The following ATP11A variants were observed in gnomAD, a reference collection of about 807,000 sequenced individuals.
ATP11A encodes the protein phospholipid-transporting ATPase IH.
ATP11A carries 81 observed loss-of-function variants against 154.4 expected under a neutral mutation model. That is an observed-to-expected ratio of 0.52 (90% CI 0.44 to 0.63). ATP11A has a LOEUF of 0.63. Ranked by LOEUF, ATP11A falls within the 30% of genes least tolerant of loss-of-function variation. The probability of loss-of-function intolerance (pLI) is 0.00; values close to 1 mark genes in which losing one functional copy is unlikely to be tolerated. For synonymous variants in ATP11A, 623 were observed against 585.9 expected, an observed-to-expected ratio of 1.06 and a Z score of -0.91; for missense variants, 1,316 against 1,474.3, an observed-to-expected ratio of 0.89 and a Z score of 1.76.
At chr13:112,776,387 C>T (rs1420225008) in intron 1 of ATP11A, among the ~76,000 whole-genome samples, 4 of 152,090 alleles carry the variant, frequency 2.6e-5, no homozygotes, top group African/African-American at 7.2e-5. Context: ...GCTTTATTAA[C>T]GGGGAAATGT....
chr13:112,738,845 G>C (rs1891258423), intron 1 of ATP11A, among the ~76,000 whole-genome samples: 1 of 151,444 alleles, frequency 6.6e-6, no homozygotes, highest in South Asian at 2.1e-4. Flanking sequence ...GTGTCCCACT[G>C]TGAGTCTAGG....
chr13:112,849,412 C>T (rs1375689002), intron 17 of ATP11A, among the ~76,000 whole-genome samples: 1 of 152,222 alleles, frequency 6.6e-6, no homozygotes, highest in Non-Finnish European at 1.5e-5. Context: ...GAGAAAGTCC[C>T]TGATTGACTT....
chr13:112,732,484 C>G (rs1890589836), intron 1 of ATP11A, among the ~76,000 whole-genome samples: 1 of 152,176 alleles, frequency 6.6e-6, no homozygotes, highest in Non-Finnish European at 1.5e-5. Context: ...CTCCATCTCT[C>G]TCCAGCTCCA....
chr13:112,732,617 GTTTA>G (rs1281237382), intron 1 of ATP11A, among the ~76,000 whole-genome samples: 6 of 152,240 alleles, frequency 3.9e-5, no homozygotes, highest in Admixed American at 3.3e-4. Context: ...TTGTTTGTTT[GTTTA>G]TTTATTTTGA....
intron 1 of ATP11A, among the ~76,000 whole-genome samples, chr13:112,771,616 T>C (rs2077227256): frequency 6.6e-6 from 1 of 152,234 alleles, no homozygotes; most frequent in South Asian, 2.1e-4. Context: ...AGGTTAGAGA[T>C]AACCAGGTCC....
chr13:112,790,258 A>G (rs2077810195), intron 2 of ATP11A, among the ~76,000 whole-genome samples: 1 of 150,706 alleles, frequency 6.6e-6, no homozygotes, highest in South Asian at 2.1e-4. Context: ...CACACCCGGC[A>G]TCTTGACATG....
At chr13:112,853,608 A>G (rs1487933813) in intron 18 of ATP11A, among the ~76,000 whole-genome samples, 1 of 152,176 alleles carries the variant, frequency 6.6e-6, no homozygotes, top group Non-Finnish European at 1.5e-5. Context: ...TACCCCCGAC[A>G]CCTTCTGCAG....
At chr13:112,699,849 G>A (rs1166897844) in intron 1 of ATP11A, among the ~76,000 whole-genome samples, 2 of 152,162 alleles carry the variant, frequency 1.3e-5, no homozygotes, top group African/African-American at 2.4e-5. Context: ...GAAACTCATG[G>A]CCTTTGCTGT....
intron 2 of ATP11A, among the ~76,000 whole-genome samples, chr13:112,797,532 A>G (rs1030510423): frequency 1.3e-5 from 2 of 152,192 alleles, no homozygotes; most frequent in Non-Finnish European, 2.9e-5. Flanking sequence ...AGCCACAGGA[A>G]AAGAACATTT....
chr13:112,848,727 G>A lies in ATP11A; in HGVS notation c.1810-2310G>A, dbSNP rs548722607. On this transcript the variant is annotated intron_variant, in intron 17 of 29. Transcript: ENST00000375645. ...TTTGAGACAGAGTTTTGCTCTTGTC[G>A]CCCAGGCTGGAGTGCAATGGCACGA... 1.7e-3 allele frequency among the ~76,000 whole-genome samples: 264 copies of A among 152,230 alleles called. 2 individuals are homozygous for A. The highest frequency in any genetic ancestry group is 4.3e-3 in the African/African-American group (178 of 41,542).
At chr13:112,790,779 T>C (rs1017598336) in intron 2 of ATP11A, among the ~76,000 whole-genome samples, 2 of 152,250 alleles carry the variant, frequency 1.3e-5, no homozygotes, top group Non-Finnish European at 2.9e-5. Flanking sequence ...TAATTATTTA[T>C]GTGCTCTTGA....
At chr13:112,710,031 C>G (rs1887564136) in intron 1 of ATP11A, among the ~76,000 whole-genome samples, 1 of 152,254 alleles carries the variant, frequency 6.6e-6, no homozygotes, top group Admixed American at 6.5e-5. Context: ...TGCCTGCACT[C>G]TGCCCTGGAG....
At chr13:112,803,736 CTTCCCCTCCTT>C (rs2078203129) in intron 2 of ATP11A, among the ~76,000 whole-genome samples, 2 of 125,890 alleles carry the variant, frequency 1.6e-5, no homozygotes, top group Non-Finnish European at 1.7e-5. Flanking sequence ...CCCTGACCTC[CTTCCCCTCCTT>C]CTCTCATTCC....
At chr13:112,834,474 A>G (rs931184913) in intron 14 of ATP11A, 115 bp from the exon 15 acceptor site, 4 of 707,650 alleles carry the variant, frequency 5.7e-6, no homozygotes, top group Non-Finnish European at 1.0e-5. Flanking sequence ...TCTCTGTTTA[A>G]CTGAAAGTAT....
At chr13:112,799,528 C>T (rs1026700530) in intron 2 of ATP11A, among the ~76,000 whole-genome samples, 3 of 151,942 alleles carry the variant, frequency 2.0e-5, no homozygotes, top group Admixed American at 2.0e-4. Context: ...GTGGGGAGGT[C>T]ATGAGACTCA....
chr13:112,772,161 T>C (rs2077241035), intron 1 of ATP11A, among the ~76,000 whole-genome samples: 1 of 152,216 alleles, frequency 6.6e-6, no homozygotes, highest in Non-Finnish European at 1.5e-5. Context: ...CCCTATGAAA[T>C]GTAAAACAAA....
At chr13:112,765,840 G>A (rs1240528859) in intron 1 of ATP11A, among the ~76,000 whole-genome samples, 1 of 152,226 alleles carries the variant, frequency 6.6e-6, no homozygotes, top group Admixed American at 6.5e-5. Context: ...CAATACAAAC[G>A]ATTTTCTGTA....
chr13:112,851,281 G>A, intron 18 of ATP11A, 63 bp downstream of exon 18: 8 of 1,535,902 alleles, frequency 5.2e-6, no homozygotes, highest in South Asian at 1.2e-5. Context: ...ACGGCCCAGG[G>A]CGTGTGAGGG....
In ATP11A at chr13:112,883,340, A is replaced by G. The variant is rs2080926225; in HGVS notation, c.*1474A>G. The G allele has an allele frequency of 5.0e-6, 2 of 397,248 alleles. No homozygotes were observed. The highest frequency in any genetic ancestry group is 4.1e-5 in the African/African-American group (2 of 48,702). 24.6% of individuals were successfully genotyped at this position (397,248 alleles called of 1,614,324 possible). ...GACATAGCCTTAATGGTCCTTAAAG[A>G]AGACATTTCAGTGTGAGATTCAGAC... On this transcript the variant is annotated 3_prime_UTR_variant, in exon 30 of 30. Coordinates refer to ENST00000375645, the MANE Select transcript of ATP11A (RefSeq NM_015205.3).
Sources: allele counts gnomAD v4.1 joint callset (sites outside exome capture counted in the v4.1 genomes callset), GRCh38; gene constraint gnomAD v4.1.1; transcripts MANE v1.5; gene names NCBI Gene and HGNC (gene_info 2026-07-23, HGNC 2026-07-21).